Variants in CD200R1 observed in about 807,000 individuals in gnomAD.
CD200R1 encodes the protein CD200 receptor 1.
Under a neutral mutation model 38.1 loss-of-function variants are expected in CD200R1, and 30 were observed. That is an observed-to-expected ratio of 0.79 (90% CI 0.59 to 1.07). CD200R1 has a LOEUF of 1.07. Among genes scored for constraint, CD200R1 ranks in the 50% least tolerant of loss-of-function variants. The pLI, the probability that CD200R1 is intolerant of heterozygous loss-of-function variation, is 0.00. For synonymous variants in CD200R1, 128 were observed against 152.1 expected (o/e 0.84, Z 1.16); for missense variants, 372 against 415.4 (o/e 0.90, Z 0.91).
At chr3:112,963,652 T>C (rs1483326487) in intron 1 of CD200R1, among the ~76,000 whole-genome samples, 2 of 152,054 alleles carry the variant, frequency 1.3e-5, no homozygotes, top group African/African-American at 2.4e-5. Context: ...GCATTCAGTT[T>C]TATAAGTGAA....
chr3:112,975,055 G>A lies in CD200R1; in HGVS notation c.-198C>T, dbSNP rs371895462. On this transcript the variant is annotated 5_prime_UTR_variant, in exon 1 of 8. Transcript: ENST00000308611. ...GTTTAGCCTGGTTAGTAACTTGGAC[G>A]AACAGAAGCTTTTCTCTGGAACTTG... 24 of 555,166 alleles carry A rather than the reference G, an allele frequency of 4.3e-5. No homozygotes were observed. Among genetic ancestry groups the A allele is most frequent in the Admixed American group, 1.2e-4 (4 of 33,084 alleles). 34.4% of individuals were successfully genotyped at this position (555,166 alleles called of 1,614,324 possible).
chr3:112,973,777 C>T (rs1480467088), intron 1 of CD200R1, among the ~76,000 whole-genome samples: 1 of 152,168 alleles, frequency 6.6e-6, no homozygotes, highest in Non-Finnish European at 1.5e-5. Context: ...AAACCAACTA[C>T]ACTCTTCCCT....
At chr3:112,970,721 G>T (rs2107349424) in intron 1 of CD200R1, among the ~76,000 whole-genome samples, 1 of 152,176 alleles carries the variant, frequency 6.6e-6, no homozygotes, top group South Asian at 2.1e-4. Flanking sequence ...TGACCTTATT[G>T]GGAGGAAATT....
chr3:112,947,910 C>A lies in CD200R1; in HGVS notation c.82G>T (p.Ala28Ser), dbSNP rs746877468. Reference sequence around the variant, plus strand: ...AGCATTAATGAGTTGTTTGGTTGAGCAGCACCCTCCGCTTCTGAATTTTGA... The same window carrying A: ...AGCATTAATGAGTTGTTTGGTTGAGAAGCACCCTCCGCTTCTGAATTTTGA... ...IFLVAEAEGA[A>S]QPNNSLMLQT... is the part of the protein sequence containing the mutation. Residue 28 changes from alanine to serine, a missense_variant, in exon 2 of 8, where the codon GCT becomes TCT. By Grantham distance (99) the Ala-to-Ser change is moderately conservative. Transcript: ENST00000308611. 1 of 1,611,920 alleles carries A rather than the reference C, an allele frequency of 6.2e-7. No homozygotes were observed. Among genetic ancestry groups the A allele is most frequent in the Non-Finnish European group, 8.5e-7 (1 of 1,177,996 alleles).
chr3:112,942,848 G>T (rs1940758446), intron 2 of CD200R1, among the ~76,000 whole-genome samples: 1 of 151,516 alleles, frequency 6.6e-6, no homozygotes. Flanking sequence ...ACACAGCAAT[G>T]ACTTCAGAGC....
At chr3:112,934,235 G>C (rs1248027186) in intron 2 of CD200R1, among the ~76,000 whole-genome samples, 1 of 152,002 alleles carries the variant, frequency 6.6e-6, no homozygotes, top group Non-Finnish European at 1.5e-5. Flanking sequence ...AAACACGCAA[G>C]AGAAAAGCAT....
At position 112,947,921 on chromosome 3, in the gene CD200R1, G is replaced by A. The variant is rs768802852; in HGVS notation, c.71C>T (p.Ala24Val). 57 of 1,609,100 alleles carry A rather than the reference G, an allele frequency of 3.5e-5. 1 individual carries two copies. The Admixed American group carries it at 7.7e-4, about 22-fold the overall frequency. Residue 24 changes from alanine to valine, a missense_variant, in exon 2 of 8, where the codon GCG becomes GTG. Ala to Val is a moderately conservative substitution (Grantham distance 64). Transcript: ENST00000308611. ...LILTIFLVAEAEGAAQPNNSL... is the reference protein window; with the variant it reads ...LILTIFLVAEVEGAAQPNNSL... ...GTTGTTTGGTTGAGCAGCACCCTCC[G>A]CTTCTGAATTTTGAAAAAGACATAG...
chr3:112,943,185 T>C (rs996054633), intron 2 of CD200R1, among the ~76,000 whole-genome samples: 1 of 151,720 alleles, frequency 6.6e-6, no homozygotes, highest in Non-Finnish European at 1.5e-5. Flanking sequence ...CACATTCTTC[T>C]CCAGCTCATA....
chr3:112,931,214 T>A, intron 2 of CD200R1, 43 bp from the exon 3 acceptor site: 1 of 1,264,436 alleles, frequency 7.9e-7, no homozygotes, highest in Non-Finnish European at 1.2e-6. Context: ...CAATTTTATG[T>A]ACTCAGAGTG....
intron 5 of CD200R1, among the ~76,000 whole-genome samples, chr3:112,927,561 A>T (rs1163951894): frequency 4.6e-5 from 7 of 152,168 alleles, no homozygotes; most frequent in Non-Finnish European, 1.0e-4. Context: ...ATATGAAAGA[A>T]AGAGTTAAAA....
intron 2 of CD200R1, among the ~76,000 whole-genome samples, chr3:112,940,326 A>G (rs142707932): frequency 6.6e-6 from 1 of 152,088 alleles, no homozygotes; most frequent in East Asian, 1.9e-4. Flanking sequence ...ACATGGGATT[A>G]TATAAAACTA....
rs77206361 is a variant in CD200R1 at position 112,967,495 on chromosome 3, C to T, written c.67+7296G>A. Among the ~76,000 whole-genome samples, 186 of 152,300 alleles carry T rather than the reference C, an allele frequency of 1.2e-3. 4 individuals carry two copies. The East Asian group carries it at 0.032, about 26-fold the overall frequency. ...CCCTATATTTATCCTTATGCACTTG[C>T]GCATTGTTTAATTATTTGCAGTAAT... On this transcript the variant is annotated intron_variant, in intron 1 of 7. Coordinates refer to ENST00000308611, the MANE Select transcript of CD200R1 (RefSeq NM_138806.4).
intron 1 of CD200R1, among the ~76,000 whole-genome samples, chr3:112,953,569 C>G (rs1941017856): frequency 6.6e-6 from 1 of 152,294 alleles, no homozygotes; most frequent in South Asian, 2.1e-4. Context: ...GTGAAGCCAA[C>G]AGCTGCTGGA....
chr3:112,952,284 CAGAT>C (rs1289844734), intron 1 of CD200R1, among the ~76,000 whole-genome samples: 1 of 152,020 alleles, frequency 6.6e-6, no homozygotes, highest in Non-Finnish European at 1.5e-5. Flanking sequence ...CTTTCTTTCT[CAGAT>C]AGTTCACTGT....
At chr3:112,957,464 A>C (rs1941127619) in intron 1 of CD200R1, among the ~76,000 whole-genome samples, 1 of 152,210 alleles carries the variant, frequency 6.6e-6, no homozygotes, top group South Asian at 2.1e-4. Context: ...AATGAACTTC[A>C]ACCCTTTACA....
intron 1 of CD200R1, among the ~76,000 whole-genome samples, chr3:112,967,879 G>A (rs1414932774): frequency 2.0e-5 from 3 of 152,176 alleles, no homozygotes; most frequent in Admixed American, 1.3e-4. Flanking sequence ...TGTTTGATAT[G>A]ATTAGCAATC....
intron 1 of CD200R1, among the ~76,000 whole-genome samples, chr3:112,953,442 G>C (rs1941015112): frequency 1.3e-5 from 2 of 152,212 alleles, no homozygotes; most frequent in South Asian, 4.1e-4. Flanking sequence ...TGTCTTATTT[G>C]GGTGTGAGGG....
chr3:112,950,649 G>A (rs529740582), intron 1 of CD200R1, among the ~76,000 whole-genome samples: 1 of 151,840 alleles, frequency 6.6e-6, no homozygotes, highest in Non-Finnish European at 1.5e-5. Context: ...TCGTATATTC[G>A]CTGAGTTTGG....
At chr3:112,933,163 C>T (rs1469165245) in intron 2 of CD200R1, among the ~76,000 whole-genome samples, 1 of 152,198 alleles carries the variant, frequency 6.6e-6, no homozygotes, top group Non-Finnish European at 1.5e-5. Flanking sequence ...AGCAGACATG[C>T]CCCCAGACTG....
Sources: allele counts gnomAD v4.1 joint callset (sites outside exome capture counted in the v4.1 genomes callset), GRCh38; gene constraint gnomAD v4.1.1; transcripts MANE v1.5; gene names NCBI Gene and HGNC (gene_info 2026-07-23, HGNC 2026-07-21).